ACYP2: variants seen among roughly 807,000 people sequenced by gnomAD.
The protein encoded by ACYP2 is acylphosphatase 2.
ACYP2 carries 12 observed loss-of-function variants against 11.2 expected under a neutral mutation model. The observed-to-expected ratio is 1.08, with a 90% confidence interval of 0.69 to 1.74. The LOEUF is 1.74. ACYP2 is among the 40% of genes most tolerant of loss of function. The pLI is 0.00. For missense variants in ACYP2, 134 were observed against 101.9 expected (o/e 1.31, Z -1.35); for synonymous variants, 43 against 32.2 (o/e 1.33, Z -1.13).
At chr2:54,132,893 C>T (rs1042013211) in intron 4 of ACYP2, among the ~76,000 whole-genome samples, 9 of 151,890 alleles carry the variant, frequency 5.9e-5, no homozygotes, top group African/African-American at 2.2e-4. Flanking sequence ...TACAGGCACC[C>T]ACCATTATGC....
intron 6 of ACYP2, chr2:54,255,870 G>T (rs1252084874): frequency 1.1e-5 from 17 of 1,613,874 alleles, no homozygotes; most frequent in South Asian, 2.2e-5. Flanking sequence ...GGCCCTCCGC[G>T]GGTGGTGGAG....
intron 2 of ACYP2, among the ~76,000 whole-genome samples, chr2:53,979,617 C>A (rs1671655552): frequency 6.7e-6 from 1 of 148,190 alleles, no homozygotes; most frequent in South Asian, 2.2e-4. Flanking sequence ...CAGAGTGAGA[C>A]TCTGTCTCAA....
intron 2 of ACYP2, among the ~76,000 whole-genome samples, chr2:53,979,873 G>C (rs1294969129): frequency 3.3e-5 from 5 of 151,650 alleles, no homozygotes; most frequent in African/African-American, 4.8e-5. Flanking sequence ...TGTATTTTTA[G>C]TAGAGACAAG....
intron 4 of ACYP2, among the ~76,000 whole-genome samples, chr2:54,082,058 C>T (rs1216444113): frequency 6.6e-6 from 1 of 152,170 alleles, no homozygotes; most frequent in Admixed American, 6.5e-5. Context: ...AACCCCCTGT[C>T]CTGCCCCAGC....
At chr2:53,975,882 G>A (rs147423383) in intron 2 of ACYP2, among the ~76,000 whole-genome samples, 1 of 152,242 alleles carries the variant, frequency 6.6e-6, no homozygotes, top group East Asian at 1.9e-4. Flanking sequence ...CCTGGAGGGA[G>A]ACACTGACTT....
At chr2:54,109,430 G>A (rs1453807629) in intron 4 of ACYP2, among the ~76,000 whole-genome samples, 2 of 152,034 alleles carry the variant, frequency 1.3e-5, no homozygotes, top group African/African-American at 4.8e-5. Context: ...GAGGGGGTGA[G>A]GGATAAAAAA....
intron 6 of ACYP2, among the ~76,000 whole-genome samples, chr2:54,196,575 G>A (rs1208751034): frequency 6.6e-6 from 1 of 152,136 alleles, no homozygotes; most frequent in African/African-American, 2.4e-5. Flanking sequence ...TCATCATCAG[G>A]ATACTGTGCT....
intron 2 of ACYP2, among the ~76,000 whole-genome samples, chr2:54,025,422 A>G (rs1480748212): frequency 6.6e-6 from 1 of 152,172 alleles, no homozygotes; most frequent in African/African-American, 2.4e-5. Flanking sequence ...CTAGAAAGCC[A>G]AGTACTTACA....
chr2:54,170,218 T>C (rs1683166710), intron 6 of ACYP2, among the ~76,000 whole-genome samples: 1 of 152,218 alleles, frequency 6.6e-6, no homozygotes, highest in African/African-American at 2.4e-5. Flanking sequence ...AGTGGCGCGA[T>C]CTTGGCTCAC....
Position 54,247,810 on chromosome 2 carries a change from T to G in ACYP2, c.405-56878T>G, listed in dbSNP as rs532545177. Among the ~76,000 whole-genome samples the G allele has an allele frequency of 3.3e-5, 5 of 152,226 alleles. No homozygotes were observed. In the South Asian group the frequency reaches 1.0e-3, roughly 32 times the overall value. On this transcript the variant is annotated intron_variant, in intron 6 of 6. Transcript: ENST00000607452. ...GTAGTTATCAGACTCTGGAGTCAGATAGACTTGGGTTAGAATTCTGGATTT... is the reference window on the plus strand; with the variant it reads ...GTAGTTATCAGACTCTGGAGTCAGAGAGACTTGGGTTAGAATTCTGGATTT...
At chr2:54,175,707 A>G (rs1051700899) in intron 6 of ACYP2, among the ~76,000 whole-genome samples, 1 of 152,058 alleles carries the variant, frequency 6.6e-6, no homozygotes, top group Non-Finnish European at 1.5e-5. Context: ...TTATCAAACT[A>G]ATACATACTG....
At chr2:54,175,463 G>C (rs997885929) in intron 6 of ACYP2, among the ~76,000 whole-genome samples, 1 of 151,600 alleles carries the variant, frequency 6.6e-6, no homozygotes. Context: ...CAATTTTGTT[G>C]ATCTTTTCAA....
intron 2 of ACYP2, among the ~76,000 whole-genome samples, chr2:53,979,588 C>G (rs1243069197): frequency 1.1e-4 from 16 of 150,838 alleles, no homozygotes; most frequent in Non-Finnish European, 4.4e-5. Context: ...GATTGTGCCA[C>G]TGCACTCCAG....
At chr2:53,976,633 A>T (rs1187368763) in intron 2 of ACYP2, among the ~76,000 whole-genome samples, 1 of 125,160 alleles carries the variant, frequency 8.0e-6, no homozygotes. Flanking sequence ...AAGATTTGGG[A>T]GGAAAAAAAG....
At chr2:54,137,580 G>C (rs547929661) in intron 5 of ACYP2, among the ~76,000 whole-genome samples, 4 of 152,236 alleles carry the variant, frequency 2.6e-5, no homozygotes, top group Admixed American at 2.6e-4. Flanking sequence ...ATGGCCTCCA[G>C]CTCCATTCAT....
At chr2:54,156,049 G>A (rs1366627555) in intron 6 of ACYP2, among the ~76,000 whole-genome samples, 2 of 151,964 alleles carry the variant, frequency 1.3e-5, no homozygotes. Context: ...ATATATGCCA[G>A]GCACTGTTTT....
intron 6 of ACYP2, among the ~76,000 whole-genome samples, chr2:54,189,780 C>A (rs924979668): frequency 1.3e-5 from 2 of 152,112 alleles, no homozygotes; most frequent in East Asian, 1.9e-4. Context: ...TTAGAAGCCT[C>A]CCTACTGTTT....
At chr2:54,281,010 A>G (rs772955441) in intron 6 of ACYP2, among the ~76,000 whole-genome samples, 40 of 152,342 alleles carry the variant, frequency 2.6e-4, no homozygotes, top group African/African-American at 9.4e-4. Flanking sequence ...ATTTATCTCT[A>G]TGAGGCTAGG....
intron 4 of ACYP2, among the ~76,000 whole-genome samples, chr2:54,078,433 A>ATATG: frequency 6.7e-6 from 1 of 149,740 alleles, no homozygotes; most frequent in South Asian, 2.1e-4. Context: ...GCATATATAT[A>ATATG]TATGGAAACC....
Sources: gnomAD v4.1 joint callset for allele counts (sites outside exome capture counted in the v4.1 genomes callset) on GRCh38, gnomAD v4.1.1 for gene constraint, MANE v1.5 for transcripts, NCBI Gene and HGNC (gene_info 2026-07-23, HGNC 2026-07-21) for gene names.